The following HDAC9 variants were observed in gnomAD, a reference collection of about 807,000 sequenced individuals.
HDAC9 encodes the protein MEF-2 interacting transcription repressor (MITR) protein.
HDAC9 carries 41 observed loss-of-function variants against 139.4 expected under a neutral mutation model. The observed-to-expected ratio is 0.29, with a 90% CI of 0.23 to 0.38. The LOEUF is 0.38. HDAC9 is among the 10% of genes least tolerant of loss of function. The probability of loss-of-function intolerance (pLI) is 1.00; values close to 1 mark genes in which losing one functional copy is unlikely to be tolerated. For missense variants in HDAC9, 1,147 were observed against 1,297.0 expected (o/e 0.88, Z 1.78); for synonymous variants, 517 against 476.2 (o/e 1.09, Z -1.12).
rs942006571 is a variant in HDAC9, at chr7:18,222,354, C to G, written c.25+60005C>G. Among the ~76,000 whole-genome samples the G allele has an allele frequency of 3.9e-5, 6 of 152,198 alleles. No individual in the cohort carries two copies. The East Asian group carries it at 1.2e-3, about 29-fold the overall frequency. On this transcript the variant is annotated intron_variant, in intron 2 of 12. Coordinates refer to the HDAC9 transcript ENST00000417496. ...AGTATCTATTAATTCTTGACAAGGA[C>G]CTTATTAAACCTAAGCAACGTGTTT...
chr7:18,362,794 C>A (rs1184406932), intron 1 of HDAC9, among the ~76,000 whole-genome samples: 1 of 152,024 alleles, frequency 6.6e-6, no homozygotes, highest in East Asian at 1.9e-4. Context: ...ATTCATGAGT[C>A]TCATATTTGA....
chr7:18,689,811 A>G (rs896986547), intron 12 of HDAC9, among the ~76,000 whole-genome samples: 2 of 152,092 alleles, frequency 1.3e-5, no homozygotes, highest in Non-Finnish European at 2.9e-5. Context: ...GCTTAAAATA[A>G]GCATTTTTGG....
chr7:18,646,273 A>G (rs1787376325), intron 9 of HDAC9, among the ~76,000 whole-genome samples: 1 of 152,154 alleles, frequency 6.6e-6, no homozygotes, highest in Non-Finnish European at 1.5e-5. Context: ...AATAACTCAC[A>G]CATGGACCAC....
chr7:18,417,356 TTGTC>T (rs1316144607), intron 1 of HDAC9, among the ~76,000 whole-genome samples: 6 of 152,222 alleles, frequency 3.9e-5, no homozygotes, highest in African/African-American at 1.4e-4. Context: ...CTTAATATCT[TTGTC>T]TGCTATTAAC....
intron 2 of HDAC9, among the ~76,000 whole-genome samples, chr7:18,260,328 T>G (rs1206895246): frequency 3.4e-5 from 5 of 147,428 alleles, no homozygotes; most frequent in Non-Finnish European, 6.0e-5. Flanking sequence ...TTTTTGTTTT[T>G]TTTTTTTTTG....
intron 23 of HDAC9, among the ~76,000 whole-genome samples, chr7:18,939,579 T>C (rs1781881711): frequency 6.6e-6 from 1 of 152,206 alleles, no homozygotes; most frequent in Non-Finnish European, 1.5e-5. Flanking sequence ...AAGATCATTA[T>C]GACTACACTG....
At chr7:18,717,477 G>A (rs1032217007) in intron 12 of HDAC9, among the ~76,000 whole-genome samples, 2 of 149,068 alleles carry the variant, frequency 1.3e-5, no homozygotes, top group African/African-American at 5.1e-5. Flanking sequence ...TGTTGCCCAG[G>A]CTGGAGTACA....
chr7:18,227,389 G>A (rs539200861), intron 2 of HDAC9, among the ~76,000 whole-genome samples: 1 of 152,148 alleles, frequency 6.6e-6, no homozygotes, highest in African/African-American at 2.4e-5. Flanking sequence ...TGGTTTATGG[G>A]AGGAGAAAGG....
intron 2 of HDAC9, among the ~76,000 whole-genome samples, chr7:18,178,188 A>T (rs1178345): frequency 6.6e-6 from 1 of 152,012 alleles, no homozygotes; most frequent in Non-Finnish European, 1.5e-5. Context: ...AGTTCAAGCA[A>T]TTCCCTTGCC....
At chr7:18,755,289 C>G (rs1003907903) in intron 14 of HDAC9, among the ~76,000 whole-genome samples, 1 of 152,106 alleles carries the variant, frequency 6.6e-6, no homozygotes, top group Admixed American at 6.6e-5. Flanking sequence ...TTTAGGATTT[C>G]TTTTAACAAT....
chr7:18,491,928 A>G (rs1188892827), upstream of HDAC9, among the ~76,000 whole-genome samples: 10 of 151,958 alleles, frequency 6.6e-5, no homozygotes, highest in African/African-American at 2.4e-4. Context: ...ATGCTTTAAT[A>G]GGTTTCTAAG....
At chr7:18,762,596 T>C (rs549739382) in intron 15 of HDAC9, among the ~76,000 whole-genome samples, 1 of 152,344 alleles carries the variant, frequency 6.6e-6, no homozygotes, top group African/African-American at 2.4e-5. Flanking sequence ...AAAGTAGAAA[T>C]GATTTACACA....
At chr7:18,632,073 T>C (rs1327716297) in intron 7 of HDAC9, among the ~76,000 whole-genome samples, 1 of 150,016 alleles carries the variant, frequency 6.7e-6, no homozygotes, top group African/African-American at 2.5e-5. Flanking sequence ...ATGGAAATGA[T>C]ATGGAAATGA....
intron 21 of HDAC9, among the ~76,000 whole-genome samples, chr7:18,857,362 T>C (rs923351562): frequency 1.3e-5 from 2 of 151,344 alleles, no homozygotes; most frequent in Non-Finnish European, 2.9e-5. Context: ...TGTGTGTGTG[T>C]GTATGTATGT....
chr7:18,526,232 A>C (rs1262305415), intron 2 of HDAC9, among the ~76,000 whole-genome samples: 1 of 152,094 alleles, frequency 6.6e-6, no homozygotes, highest in Non-Finnish European at 1.5e-5. Context: ...ACTATTTGAG[A>C]ATTCTTGTGT....
At chr7:18,238,100 T>G (rs1378285382) in intron 2 of HDAC9, among the ~76,000 whole-genome samples, 11 of 152,194 alleles carry the variant, frequency 7.2e-5, no homozygotes, top group African/African-American at 2.7e-4. Context: ...CTAATGAAGA[T>G]CTTCTTAATT....
At chr7:18,776,339 T>C (rs911772072) in intron 16 of HDAC9, among the ~76,000 whole-genome samples, 1 of 152,074 alleles carries the variant, frequency 6.6e-6, no homozygotes, top group African/African-American at 2.4e-5. Context: ...CAGTGCTCAC[T>C]GGTGCAGACT....
chr7:18,108,561 C>A (rs57871121), intron 1 of HDAC9, among the ~76,000 whole-genome samples: 6 of 149,480 alleles, frequency 4.0e-5, no homozygotes, highest in Non-Finnish European at 7.4e-5. Flanking sequence ...CAAATGAGAT[C>A]GTATTCCTGA....
intron 2 of HDAC9, among the ~76,000 whole-genome samples, chr7:18,229,301 C>T (rs1793287453): frequency 6.6e-6 from 1 of 152,182 alleles, no homozygotes; most frequent in Non-Finnish European, 1.5e-5. Flanking sequence ...TCCATTTACC[C>T]ATCTAATTTG....
Sources: gnomAD v4.1 joint callset for allele counts (sites outside exome capture counted in the v4.1 genomes callset) on GRCh38, gnomAD v4.1.1 for gene constraint, MANE v1.5 for transcripts, NCBI Gene and HGNC (gene_info 2026-07-23, HGNC 2026-07-21) for gene names.